Variants in CNBP observed in about 807,000 individuals in gnomAD.
CNBP encodes CCHC-type zinc finger nucleic acid binding protein.
CNBP carries 6 observed loss-of-function variants against 21.2 expected under a neutral mutation model. The ratio of observed to expected loss-of-function variants is 0.28; its 90% confidence interval spans 0.16 to 0.56. The LOEUF (loss-of-function observed/expected upper bound fraction) is 0.56, where lower values mean the gene tolerates loss of function less well. Ranked by LOEUF, CNBP falls within the 20% of genes least tolerant of loss-of-function variation. The probability of loss-of-function intolerance (pLI) is 0.93; values close to 1 mark genes in which losing one functional copy is unlikely to be tolerated. For synonymous variants in CNBP, 61 were observed against 74.9 expected (o/e 0.81, Z 0.96); for missense variants, 112 against 233.1 (o/e 0.48, Z 3.38).
chr3:129,176,694 ACT>A (rs1342665256), intron 1 of CNBP, among the ~76,000 whole-genome samples: 2 of 152,164 alleles, frequency 1.3e-5, no homozygotes, highest in South Asian at 4.1e-4. Context: ...GACTACAGTC[ACT>A]CTCTGAAACT....
At chr3:129,181,666 A>T (rs1194250709) in intron 1 of CNBP, among the ~76,000 whole-genome samples, 1 of 150,092 alleles carries the variant, frequency 6.7e-6, no homozygotes, top group Non-Finnish European at 1.5e-5. Flanking sequence ...AAAAAAAGAA[A>T]AACCCCTGGT....
At chr3:129,170,948 G>T in intron 4 of CNBP, 131 bp downstream of exon 4, 1 of 829,420 alleles carries the variant, frequency 1.2e-6, no homozygotes, top group Non-Finnish European at 1.9e-6. Flanking sequence ...AGTTACATAT[G>T]CTGAAAATTG....
rs1937533789 is a variant in CNBP, at chr3:129,169,624, T to G, written c.*829A>C. The stretch of plus-strand genomic sequence containing the variant: ...TTGGAATAGTTTAAAATTACATTTC[T>G]ATTTTCTAGGACTTCAGTTGCTCTT... On this transcript the variant is annotated 3_prime_UTR_variant, in exon 5 of 5. Coordinates refer to ENST00000422453, the MANE Select transcript of CNBP (RefSeq NM_003418.5). 1 of 209,288 alleles carries G rather than the reference T, an allele frequency of 4.8e-6. No individual in the cohort carries two copies. The highest frequency in any genetic ancestry group is 5.9e-5 in the Admixed American group (1 of 16,916). The allele number at this position is 209,288 out of a possible 1,614,324, so 13.0% of individuals were successfully genotyped here.
intron 1 of CNBP, among the ~76,000 whole-genome samples, chr3:129,178,158 C>CAAAAAAAAAAAAAAAAAAA (rs368723690): frequency 9.6e-6 from 1 of 103,900 alleles, no homozygotes. Flanking sequence ...GACTCTGTCT[C>CAAAAAAAAAAAAAAAAAAA]AAAAAAAAAA....
intron 1 of CNBP, among the ~76,000 whole-genome samples, chr3:129,172,663 GACAGACAGACAGACAGACAGA>G (rs2107636306): frequency 8.8e-6 from 1 of 113,076 alleles, no homozygotes; most frequent in South Asian, 3.2e-4. Context: ...CAGGCAGACA[GACAGACAGACAGACAGACAGA>G]CAGACAGACA....
Position 129,168,679 on chromosome 3 carries a change from C to G in CNBP, c.*1774G>C, listed in dbSNP as rs974654943. ...CAATGGTATTAAAACTGTTCAGAAT[C>G]GGCCAGACACGGTGGCTCGCACCTG... is the stretch of plus-strand genomic sequence containing the variant. On this transcript the variant is annotated 3_prime_UTR_variant, in exon 5 of 5. Coordinates refer to ENST00000422453, the MANE Select transcript of CNBP (RefSeq NM_003418.5). 6.8e-6 allele frequency among the ~76,000 whole-genome samples: 1 copy of G among 147,916 alleles called. No individual in the cohort carries two copies. The highest frequency in any genetic ancestry group is 1.5e-5 in the Non-Finnish European group (1 of 67,282).
Position 129,171,641 on chromosome 3 carries a change from C to T in CNBP, c.117G>A (p.Ser39=). 6.8e-6 allele frequency: 11 copies of T among 1,614,172 alleles called. No individual in the cohort carries two copies. Among genetic ancestry groups the T allele is most frequent in the South Asian group, 1.1e-5 (1 of 91,088 alleles). The change falls in exon 2 of 5, where the codon TCG becomes TCA. Residue 39 remains serine, a synonymous_variant. Coordinates refer to ENST00000422453, the MANE Select transcript of CNBP (RefSeq NM_003418.5). The part of the protein sequence containing the change: ...MRSRGRGGFT[S]DRGFQFVSSS... ...TTCTATTCGACAAAATACCTCTATC[C>T]GAGGTAAAACCACCTCTGCCACGGC...
intron 2 of CNBP, 45 bp from the exon 3 acceptor site, chr3:129,171,583 T>C: frequency 6.2e-7 from 1 of 1,614,168 alleles, no homozygotes; most frequent in Non-Finnish European, 8.5e-7. Context: ...AGACCAGTCT[T>C]GATACTAACA....
intron 1 of CNBP, among the ~76,000 whole-genome samples, chr3:129,175,780 C>T (rs764588945): frequency 7.9e-5 from 12 of 152,122 alleles, no homozygotes; most frequent in Non-Finnish European, 1.6e-4. Flanking sequence ...TAAATTAATG[C>T]TAATAAAGAA....
chr3:129,182,047 G>T (rs1273116413), intron 1 of CNBP, among the ~76,000 whole-genome samples: 2 of 152,076 alleles, frequency 1.3e-5, no homozygotes, highest in African/African-American at 4.8e-5. Context: ...GGAGGGGGAA[G>T]CCCAGGAGAT....
At chr3:129,180,191 G>A (rs1435901540) in intron 1 of CNBP, among the ~76,000 whole-genome samples, 3 of 149,758 alleles carry the variant, frequency 2.0e-5, no homozygotes, top group Non-Finnish European at 3.0e-5. Flanking sequence ...AAAAAAAAAA[G>A]CCACGCACAT....
chr3:129,180,033 G>A (rs1453762306), intron 1 of CNBP, among the ~76,000 whole-genome samples: 3 of 151,836 alleles, frequency 2.0e-5, no homozygotes, highest in Non-Finnish European at 2.9e-5. Context: ...GAAAAAAAAA[G>A]TTAAGTGGTA....
At position 129,170,457 on chromosome 3, in the gene CNBP, G is replaced by T; in HGVS notation, c.530C>A (p.Ala177Asp). ...AGGGGCGACAAAGGAAAATAATTAG[G>T]CTGTAGCCTCAATTGTGCATTCCCG... ...LARECTIEAT[A>D] The change falls in exon 5 of 5, where the codon GCC becomes GAC. Residue 177 changes from alanine (A) to aspartate (D), a missense_variant. Transcript: ENST00000422453. 6.2e-7 allele frequency: 1 copy of T among 1,611,504 alleles called. No individual in the cohort carries two copies. The highest frequency in any genetic ancestry group is 8.5e-7 in the Non-Finnish European group (1 of 1,177,604).
intron 1 of CNBP, among the ~76,000 whole-genome samples, chr3:129,174,088 C>G (rs957982375): frequency 6.6e-6 from 1 of 152,076 alleles, no homozygotes; most frequent in African/African-American, 2.4e-5. Flanking sequence ...AGGATAAATT[C>G]TTAGAGAAAT....
intron 1 of CNBP, among the ~76,000 whole-genome samples, chr3:129,173,306 T>G (rs1414103064): frequency 6.6e-6 from 1 of 152,192 alleles, no homozygotes; most frequent in Non-Finnish European, 1.5e-5. Flanking sequence ...TACACTATTT[T>G]ATATTGGGAA....
chr3:129,175,495 T>C (rs1283408495), intron 1 of CNBP, among the ~76,000 whole-genome samples: 2 of 150,174 alleles, frequency 1.3e-5, no homozygotes, highest in Non-Finnish European at 3.0e-5. Flanking sequence ...GGTGGCGCCA[T>C]CTTGGCTCAC....
At chr3:129,172,611 GGCAGACAGGCAGC>G (rs1560034641) in intron 1 of CNBP, among the ~76,000 whole-genome samples, 33 of 26,048 alleles carry the variant, frequency 1.3e-3, no homozygotes, top group Non-Finnish European at 1.6e-3. Context: ...CAGGCAGACA[GGCAGACAGGCAGC>G]CAGGCAGGCA....
At position 129,169,153 on chromosome 3, in the gene CNBP, G is replaced by T. The variant is rs996012490; in HGVS notation, c.*1300C>A. Among the ~76,000 whole-genome samples, 11 of 151,920 alleles carry T rather than the reference G, an allele frequency of 7.2e-5. No homozygotes were observed. Among genetic ancestry groups the T allele is most frequent in the Middle Eastern group, 3.2e-3 (1 of 316 alleles). The stretch of plus-strand genomic sequence containing the variant: ...AATAAAAATACAAAAAATTAGCGGG[G>T]GGTGGTGGCGGGTGCCTGTAATCCC... On this transcript the variant is annotated 3_prime_UTR_variant, in exon 5 of 5. Coordinates refer to ENST00000422453, the MANE Select transcript of CNBP (RefSeq NM_003418.5).
At chr3:129,178,744 T>G (rs1219618106) in intron 1 of CNBP, among the ~76,000 whole-genome samples, 3 of 150,564 alleles carry the variant, frequency 2.0e-5, no homozygotes, top group Non-Finnish European at 4.4e-5. Flanking sequence ...ACTGAAACAC[T>G]TCAGATTTTT....
Sources: gnomAD v4.1 joint callset for allele counts (sites outside exome capture counted in the v4.1 genomes callset) on GRCh38, gnomAD v4.1.1 for gene constraint, MANE v1.5 for transcripts, NCBI Gene and HGNC (gene_info 2026-07-23, HGNC 2026-07-21) for gene names.